AVL9: variants seen among roughly 807,000 people sequenced by gnomAD.
AVL9 encodes late secretory pathway protein AVL9 homolog.
A neutral mutation model predicts 79.2 loss-of-function variants in AVL9; 49 were observed. The observed-to-expected ratio is 0.62, with a 90% confidence interval of 0.49 to 0.79. The LOEUF (loss-of-function observed/expected upper bound fraction) is 0.79, where lower values mean the gene tolerates loss of function less well. AVL9 is among the 30% of genes least tolerant of loss of function. The probability of loss-of-function intolerance (pLI) is 0.00; values close to 1 mark genes in which losing one functional copy is unlikely to be tolerated. For synonymous variants in AVL9, 299 were observed against 280.6 expected (o/e 1.07, Z -0.65); for missense variants, 682 against 776.8 (o/e 0.88, Z 1.45).
intron 10 of AVL9, among the ~76,000 whole-genome samples, chr7:32,567,151 G>A (rs1253587339): frequency 6.6e-6 from 1 of 152,144 alleles, no homozygotes; most frequent in Admixed American, 6.6e-5. Context: ...ACCCAGGCTG[G>A]AGAGCAGTGG....
At chr7:32,522,285 A>G (rs10246233) in intron 1 of AVL9, among the ~76,000 whole-genome samples, 108,684 of 151,894 alleles carry the variant, frequency 0.72, 39,016 homozygotes, top group South Asian at 0.86. Context: ...ACGCCAGCCC[A>G]TGAAAGCATC....
Position 32,587,679 on chromosome 7 carries a change from C to G in AVL9, c.*3772C>G, listed in dbSNP as rs935849787. 2.0e-5 allele frequency: 3 copies of G among 152,158 alleles called. No homozygotes were observed. The highest frequency in any genetic ancestry group is 2.9e-5 in the Non-Finnish European group (2 of 68,038). 9.4% of individuals were successfully genotyped at this position (152,158 alleles called of 1,614,324 possible). A position where few individuals can be genotyped will look rare whatever the true frequency, so the allele number is the denominator to read the frequency against. On this transcript the variant is annotated 3_prime_UTR_variant, in exon 16 of 16. Coordinates refer to ENST00000318709, the MANE Select transcript of AVL9 (RefSeq NM_015060.3). ...GGTGCCATTTTTGGCATTTCCACCC[C>G]GTCTCGTGGTAGCCTTTAAAAGTGG...
chr7:32,526,431 T>C (rs73689738), intron 1 of AVL9, among the ~76,000 whole-genome samples: 2,063 of 152,188 alleles, frequency 0.014, 38 homozygotes, highest in Middle Eastern at 0.048. Context: ...AGAAAACATA[T>C]ATCAAAACGA....
At position 32,548,900 on chromosome 7, in the gene AVL9, C is replaced by T. The variant is rs1340799559; in HGVS notation, c.354C>T (p.Val118=). 2 of 1,574,306 alleles carry T rather than the reference C, an allele frequency of 1.3e-6. No individual in the cohort carries two copies. Among genetic ancestry groups the T allele is most frequent in the African/African-American group, 2.7e-5 (2 of 73,378 alleles). The change falls in exon 4 of 16, where the codon GTC becomes GTT. Residue 118 remains valine (V), a synonymous_variant. Coordinates refer to ENST00000318709, the MANE Select transcript of AVL9 (RefSeq NM_015060.3). ...DITRETVQKS[V]CVLSKLPLYG... is the part of the protein sequence containing the mutation. Reference sequence around the variant, plus strand: ...CCAGAGAGACTGTTCAGAAAAGTGTCTGTGTTCTAAGCAAGCTGGTAAGAG... The same window carrying T: ...CCAGAGAGACTGTTCAGAAAAGTGTTTGTGTTCTAAGCAAGCTGGTAAGAG...
At position 32,580,826 on chromosome 7, in the gene AVL9, C is replaced by CA. The variant is rs1431700908; in HGVS notation, c.1774dup (p.Ile592AsnfsTer9). 1.9e-6 allele frequency: 3 copies of CA among 1,613,362 alleles called. No homozygotes were observed. Among genetic ancestry groups the CA allele is most frequent in the Non-Finnish European group, 2.5e-6 (3 of 1,179,750 alleles). On this transcript the variant is annotated frameshift_variant, in exon 15 of 16. Transcript: ENST00000318709. LOFTEE classifies it high-confidence loss of function. ...GTTCTGTTCAGAATAGTGAACGTGG[C>CA]AAAAAAATTGGAAACGTCATGGTCA... is the stretch of plus-strand genomic sequence containing the variant.
intron 6 of AVL9, 119 bp downstream of exon 6, chr7:32,552,414 C>T: frequency 1.7e-6 from 1 of 593,474 alleles, no homozygotes. Flanking sequence ...AATTCTTCAA[C>T]ATTTGATGCT....
chr7:32,527,384 A>G (rs1788449414), intron 1 of AVL9, among the ~76,000 whole-genome samples: 1 of 152,214 alleles, frequency 6.6e-6, no homozygotes, highest in Non-Finnish European at 1.5e-5. Flanking sequence ...AGATAGTTCT[A>G]TATGTCTTTT....
intron 10 of AVL9, chr7:32,559,910 T>C (rs1353079914): frequency 6.5e-6 from 1 of 153,766 alleles, no homozygotes; most frequent in Non-Finnish European, 1.4e-5. Context: ...TACACTATAC[T>C]GTAGTCTATT....
At chr7:32,566,293 C>T (rs1790566097) in intron 10 of AVL9, among the ~76,000 whole-genome samples, 1 of 146,860 alleles carries the variant, frequency 6.8e-6, no homozygotes. Context: ...CCTCCCACCA[C>T]AGCCTCCCAA....
intron 10 of AVL9, among the ~76,000 whole-genome samples, chr7:32,564,777 T>TAAGAGGCGGGGC (rs1210919244): frequency 2.0e-5 from 3 of 152,086 alleles, no homozygotes; most frequent in Non-Finnish European, 4.4e-5. Flanking sequence ...TGCTAAGGAA[T>TAAGAGGCGGGGC]AAGAGGCGGG....
intron 1 of AVL9, among the ~76,000 whole-genome samples, chr7:32,513,030 A>G (rs1249308155): frequency 6.6e-6 from 1 of 152,096 alleles, no homozygotes; most frequent in African/African-American, 2.4e-5. Context: ...CCTTCTACCA[A>G]CTACTTGCTA....
At chr7:32,500,547 A>C (rs1787079582) in intron 1 of AVL9, among the ~76,000 whole-genome samples, 1 of 151,736 alleles carries the variant, frequency 6.6e-6, no homozygotes, top group Non-Finnish European at 1.5e-5. Flanking sequence ...TGTTCACTCT[A>C]ATGCTAGTTT....
chr7:32,518,827 T>TA (rs1398578039), intron 1 of AVL9, among the ~76,000 whole-genome samples: 3 of 152,198 alleles, frequency 2.0e-5, no homozygotes, highest in African/African-American at 7.2e-5. Flanking sequence ...ATAGTTTTTC[T>TA]AAAAAACTGG....
At chr7:32,513,241 A>G (rs1032080897) in intron 1 of AVL9, among the ~76,000 whole-genome samples, 15 of 152,262 alleles carry the variant, frequency 9.9e-5, no homozygotes, top group East Asian at 3.9e-4. Flanking sequence ...AACCATCCCA[A>G]TGGATTCCCT....
intron 1 of AVL9, among the ~76,000 whole-genome samples, chr7:32,496,355 C>A (rs924305731): frequency 6.6e-6 from 1 of 152,230 alleles, no homozygotes. Context: ...GACTTTGCCT[C>A]CCCCTTCCCA....
At position 32,547,897 on chromosome 7, in the gene AVL9, G is replaced by A. The variant is rs559691962; in HGVS notation, c.301-950G>A. Among the ~76,000 whole-genome samples, 30 of 152,284 alleles carry A rather than the reference G, an allele frequency of 2.0e-4. No homozygotes were observed. The South Asian group carries it at 5.6e-3, about 28-fold the overall frequency. ...GAAGGTGTCAGGCAGTACACTAGAG[G>A]AGGAAGTCTTTCTTACTTCCCTCAC... On this transcript the variant is annotated intron_variant, in intron 3 of 15. Coordinates refer to ENST00000318709, the MANE Select transcript of AVL9 (RefSeq NM_015060.3).
At chr7:32,546,589 A>G (rs28434291) in intron 3 of AVL9, among the ~76,000 whole-genome samples, 79,410 of 151,636 alleles carry the variant, frequency 0.52, 22,809 homozygotes, top group Admixed American at 0.67. Context: ...TTGGGAGGCC[A>G]AGGCGGGCGG....
chr7:32,585,892 A>G lies in AVL9; in HGVS notation c.*1985A>G, dbSNP rs1478459608. 6.6e-6 allele frequency: 1 copy of G among 152,228 alleles called. No individual in the cohort carries two copies. Among genetic ancestry groups the G allele is most frequent in the Non-Finnish European group, 1.5e-5 (1 of 68,050 alleles). The allele number at this position is 152,228 out of a possible 1,614,324, so 9.4% of individuals were successfully genotyped here. On this transcript the variant is annotated 3_prime_UTR_variant, in exon 16 of 16. Transcript: ENST00000318709. Reference sequence around the variant, plus strand: ...CTTGAATCTTTTTTGCGCTGAGACTATAAAGAATTCATTCTAACATCTTGT... The same window carrying G: ...CTTGAATCTTTTTTGCGCTGAGACTGTAAAGAATTCATTCTAACATCTTGT...
At chr7:32,559,492 C>T (rs1790240347) in intron 10 of AVL9, 28 bp downstream of exon 10, 11 of 1,493,592 alleles carry the variant, frequency 7.4e-6, no homozygotes, top group Non-Finnish European at 9.8e-6. Context: ...TTATCGAATT[C>T]CTTAAAGAAT....
Sources: gnomAD v4.1 joint callset for allele counts (sites outside exome capture counted in the v4.1 genomes callset) on GRCh38, gnomAD v4.1.1 for gene constraint, MANE v1.5 for transcripts, NCBI Gene and HGNC (gene_info 2026-07-23, HGNC 2026-07-21) for gene names.